SUGCT: variants seen among roughly 807,000 people sequenced by gnomAD.
SUGCT encodes the protein succinyl-CoA:glutarate-CoA transferase.
In SUGCT, 41 loss-of-function variants were observed where a neutral mutation model predicts 55.0. The observed-to-expected ratio is 0.74, with a 90% CI of 0.58 to 0.97. The LOEUF is 0.97. Ranked by LOEUF, SUGCT falls within the 50% of genes least tolerant of loss-of-function variation. The pLI is 0.00. For missense variants in SUGCT, 568 were observed against 547.8 expected (o/e 1.04, Z -0.37); for synonymous variants, 187 against 200.4 (o/e 0.93, Z 0.56).
intron 12 of SUGCT, among the ~76,000 whole-genome samples, chr7:40,579,144 CT>C (rs905450054): frequency 1.2e-3 from 179 of 151,520 alleles, no homozygotes; most frequent in African/African-American, 4.3e-3. Flanking sequence ...TTTTAAATAA[CT>C]TTTTGTGATC....
intron 13 of SUGCT, among the ~76,000 whole-genome samples, chr7:40,811,806 A>G (rs1237359603): frequency 3.9e-5 from 6 of 152,122 alleles, no homozygotes; most frequent in Non-Finnish European, 8.8e-5. Context: ...ACTGTATTGA[A>G]TAGGAGTGGT....
At chr7:40,833,643 C>T (rs907453240) in intron 13 of SUGCT, among the ~76,000 whole-genome samples, 23 of 152,206 alleles carry the variant, frequency 1.5e-4, no homozygotes, top group Admixed American at 1.2e-3. Flanking sequence ...GATCTTGGCA[C>T]GTGCTACATC....
chr7:40,743,803 A>T (rs1366784616), intron 12 of SUGCT, among the ~76,000 whole-genome samples: 1 of 152,206 alleles, frequency 6.6e-6, no homozygotes, highest in Non-Finnish European at 1.5e-5. Context: ...CACACTCTGC[A>T]CCAGGGCCTA....
intron 6 of SUGCT, among the ~76,000 whole-genome samples, chr7:40,229,812 CAAAA>C (rs771471649): frequency 1.6e-5 from 1 of 60,776 alleles, no homozygotes; most frequent in African/African-American, 5.3e-5. Context: ...GACTCTGTCT[CAAAA>C]AAAAAAAAAA....
At chr7:41,020,645 A>AT in the SUGCT span, among the ~76,000 whole-genome samples, 1 of 152,180 alleles carries the variant, frequency 6.6e-6, no homozygotes, top group African/African-American at 2.4e-5. Context: ...AAAAGTAATT[A>AT]TATATTGGTG....
chr7:40,849,415 A>G (rs1793739987), intron 13 of SUGCT, among the ~76,000 whole-genome samples: 1 of 152,200 alleles, frequency 6.6e-6, no homozygotes, highest in Non-Finnish European at 1.5e-5. Context: ...ATTGCTGTAG[A>G]AATGCATCAT....
the SUGCT span, among the ~76,000 whole-genome samples, chr7:40,975,254 G>T: frequency 6.6e-6 from 1 of 151,784 alleles, no homozygotes; most frequent in Non-Finnish European, 1.5e-5. Context: ...AAGGAGGAAG[G>T]GTTTGGAAGC....
intron 9 of SUGCT, among the ~76,000 whole-genome samples, chr7:40,431,318 T>C (rs915031040): frequency 2.0e-5 from 3 of 152,172 alleles, no homozygotes; most frequent in African/African-American, 7.2e-5. Context: ...TTTAAGGCAA[T>C]ATCTAGTGTT....
At chr7:40,776,206 A>G (rs1347006654) in intron 13 of SUGCT, among the ~76,000 whole-genome samples, 1 of 152,168 alleles carries the variant, frequency 6.6e-6, no homozygotes, top group East Asian at 1.9e-4. Flanking sequence ...TCTGCTGTTG[A>G]TTCACACTGG....
chr7:40,790,647 G>A (rs930521479), intron 13 of SUGCT, among the ~76,000 whole-genome samples: 1 of 152,116 alleles, frequency 6.6e-6, no homozygotes, highest in African/African-American at 2.4e-5. Context: ...ATGCAATCTT[G>A]AAATAATTCA....
Position 40,423,527 on chromosome 7 carries a change from T to C in SUGCT, c.817-25760T>C, listed in dbSNP as rs185533223. ...AATCTTTTTCCAAATGGTCAGCCGT[T>C]GCTTTCCATTTCTTTTCACTTAAAA... is the stretch of plus-strand genomic sequence containing the variant. On this transcript the variant is annotated intron_variant, in intron 9 of 13. Transcript: ENST00000335693. Among the ~76,000 whole-genome samples, 614 of 152,276 alleles carry C rather than the reference T, an allele frequency of 4.0e-3. 4 individuals are homozygous for C. The highest frequency in any genetic ancestry group is 0.017 in the Middle Eastern group (5 of 294).
rs1290727775 is a variant in SUGCT, at chr7:40,588,255, A to G, written c.1089+91869A>G. Reference sequence around the variant, plus strand: ...TTTTTTTTTTTTTAATTATACTTTTAAGTTTTAGGGTACATGTGCACATTG... The same window carrying G: ...TTTTTTTTTTTTTAATTATACTTTTGAGTTTTAGGGTACATGTGCACATTG... On this transcript the variant is annotated intron_variant, in intron 12 of 13. Coordinates refer to ENST00000335693, the MANE Select transcript of SUGCT (RefSeq NM_001193313.2). Among the ~76,000 whole-genome samples, 3 of 150,200 alleles carry G rather than the reference A, an allele frequency of 2.0e-5. No homozygotes were observed. In the South Asian group the frequency reaches 6.3e-4, roughly 31 times the overall value.
chr7:40,335,309 A>T (rs1371516668), intron 9 of SUGCT, among the ~76,000 whole-genome samples: 1 of 151,884 alleles, frequency 6.6e-6, no homozygotes, highest in Non-Finnish European at 1.5e-5. Context: ...CTTGATGGGG[A>T]TGGCATTGAA....
At chr7:40,555,994 A>C (rs1014568365) in intron 12 of SUGCT, among the ~76,000 whole-genome samples, 1 of 152,180 alleles carries the variant, frequency 6.6e-6, no homozygotes, top group Admixed American at 6.5e-5. Context: ...TGTACCCTAC[A>C]TAAAGTATGC....
intron 9 of SUGCT, among the ~76,000 whole-genome samples, chr7:40,417,777 T>G (rs1026485532): frequency 1.5e-4 from 23 of 151,942 alleles, no homozygotes; most frequent in East Asian, 7.7e-4. Flanking sequence ...ATATTTTTAA[T>G]GTACTAGCTG....
intron 11 of SUGCT, among the ~76,000 whole-genome samples, chr7:40,492,444 C>T (rs746278358): frequency 1.7e-4 from 26 of 152,214 alleles, no homozygotes; most frequent in Admixed American, 1.4e-3. Flanking sequence ...GCCCATTGTC[C>T]GCATCAGTGC....
the SUGCT span, among the ~76,000 whole-genome samples, chr7:40,877,651 A>C: frequency 2.0e-5 from 3 of 152,212 alleles, no homozygotes; most frequent in African/African-American, 7.2e-5. Context: ...TTTGTTTTTA[A>C]TCTTAACCTG....
chr7:40,231,633 G>A (rs1788731934), intron 6 of SUGCT, among the ~76,000 whole-genome samples: 1 of 152,136 alleles, frequency 6.6e-6, no homozygotes. Flanking sequence ...CAATATCAGG[G>A]CCCAAGATAG....
At chr7:41,015,335 C>T in the SUGCT span, among the ~76,000 whole-genome samples, 1 of 152,144 alleles carries the variant, frequency 6.6e-6, no homozygotes, top group Admixed American at 6.5e-5. Context: ...TAACTTTAAG[C>T]AATTAATTGG....
Sources: gnomAD v4.1 joint callset for allele counts (sites outside exome capture counted in the v4.1 genomes callset) on GRCh38, gnomAD v4.1.1 for gene constraint, MANE v1.5 for transcripts, NCBI Gene and HGNC (gene_info 2026-07-23, HGNC 2026-07-21) for gene names.